The following SURF1 variants were observed in gnomAD, a reference collection of about 807,000 sequenced individuals.
The protein encoded by SURF1 is surfeit locus protein 1.
A neutral mutation model predicts 34.1 loss-of-function variants in SURF1; 45 were observed. The observed-to-expected ratio is 1.32, with a 90% CI of 1.04 to 1.69. The LOEUF (loss-of-function observed/expected upper bound fraction) is 1.69, where lower values mean the gene tolerates loss of function less well. Among genes scored for constraint, SURF1 ranks in the 40% most tolerant of loss-of-function variants. The pLI, the probability that SURF1 is intolerant of heterozygous loss-of-function variation, is 0.00. For synonymous variants in SURF1, 188 were observed against 147.5 expected (o/e 1.27, Z -1.99); for missense variants, 456 against 384.6 (o/e 1.19, Z -1.55).
At chr9:133,353,182 G>A (rs962579554) in intron 5 of SURF1, among the ~76,000 whole-genome samples, 2 of 152,226 alleles carry the variant, frequency 1.3e-5, no homozygotes, top group African/African-American at 4.8e-5. Context: ...GCCTGCTGGA[G>A]ATGAGTACTT....
chr9:133,351,859 A>G lies in SURF1; in HGVS notation c.*54T>C. On this transcript the variant is annotated 3_prime_UTR_variant, in exon 9 of 9. Coordinates refer to ENST00000371974, the MANE Select transcript of SURF1 (RefSeq NM_003172.4). ...ACCAGTAGCACATGATCCAGCATAA[A>G]GGCAGTCTTGAAATACTGCATTATC... 6.4e-7 allele frequency: 1 copy of G among 1,569,276 alleles called. No individual in the cohort carries two copies. Among genetic ancestry groups the G allele is most frequent in the South Asian group, 1.1e-5 (1 of 87,786 alleles).
In SURF1 at chr9:133,353,802, G is replaced by A. The variant is rs2130014646; in HGVS notation, c.462C>T (p.Ser154=). ...REAREGGLIS[S]STQSGAYVVT... The stretch of plus-strand genomic sequence containing the variant: ...CCACATAGGCCCCACTCTGAGTTGA[G>A]GAGGAGATGAGGCCGCCCTCCCGGG... The change falls in exon 5 of 9, where the codon TCC becomes TCT. Residue 154 remains serine (S), a synonymous_variant. Coordinates refer to ENST00000371974, the MANE Select transcript of SURF1 (RefSeq NM_003172.4). The A allele has an allele frequency of 1.2e-6, 2 of 1,613,734 alleles. No individual in the cohort carries two copies. Among genetic ancestry groups the A allele is most frequent in the East Asian group, 4.5e-5 (2 of 44,890 alleles).
chr9:133,353,116 G>A (rs1389853601), intron 5 of SURF1, among the ~76,000 whole-genome samples: 1 of 152,200 alleles, frequency 6.6e-6, no homozygotes, highest in Non-Finnish European at 1.5e-5. Context: ...GGCAAGAGCT[G>A]TCTCCAATCC....
At chr9:133,353,529 G>A (rs2130013461) in intron 5 of SURF1, among the ~76,000 whole-genome samples, 4 of 152,170 alleles carry the variant, frequency 2.6e-5, no homozygotes, top group African/African-American at 7.2e-5. Context: ...CCCTTCAGAG[G>A]TCAACATACA....
chr9:133,352,501 C>T lies in SURF1; in HGVS notation c.696G>A (p.Leu232=). The T allele has an allele frequency of 1.2e-6, 2 of 1,614,212 alleles. No homozygotes were observed. Among genetic ancestry groups the T allele is most frequent in the Admixed American group, 1.7e-5 (1 of 60,024 alleles). The part of the protein sequence containing the change: ...PERNHWHYRD[L]EAMARITGAE... The stretch of plus-strand genomic sequence containing the variant: ...CGCCTGTGATTCTGGCCATAGCTTC[C>T]AGGTCTCGATAATGCCAGTGGTTCC... Residue 232 remains leucine (L), a synonymous_variant, in exon 7 of 9, where the codon CTG becomes CTA. Coordinates refer to ENST00000371974, the MANE Select transcript of SURF1 (RefSeq NM_003172.4).
intron 4 of SURF1, among the ~76,000 whole-genome samples, 165 bp downstream of exon 4, chr9:133,354,494 G>A (rs1836515090): frequency 6.6e-6 from 1 of 152,110 alleles, no homozygotes; most frequent in Admixed American, 6.5e-5. Context: ...AGGGCAGTCA[G>A]GTGTCAACAG....
intron 7 of SURF1, 120 bp downstream of exon 7, chr9:133,352,326 C>T: frequency 6.5e-7 from 1 of 1,545,422 alleles, no homozygotes; most frequent in Non-Finnish European, 8.9e-7. Flanking sequence ...TGCCTCCTCC[C>T]ACCCGCCATA....
chr9:133,355,066 G>A, intron 2 of SURF1, 109 bp from the exon 3 acceptor site: 2 of 1,441,866 alleles, frequency 1.4e-6, no homozygotes, highest in South Asian at 1.1e-5. Context: ...CTGCTGCCTA[G>A]AGCCAACTAG....
chr9:133,353,764 T>C lies in SURF1; in HGVS notation c.500A>G (p.His167Arg), dbSNP rs2130014309. Residue 167 changes from histidine (H) to arginine (R), a missense_variant, in exon 5 of 9, where the codon CAC becomes CGC. His to Arg is a conservative substitution (Grantham distance 29). Coordinates refer to ENST00000371974, the MANE Select transcript of SURF1 (RefSeq NM_003172.4). ...TCCTACTCACCCCAGGTCGGTGCAG[T>C]GGAAGGGAGTGACCACATAGGCCCC... The part of the protein sequence containing the change: ...QSGAYVVTPF[H>R]CTDLGVTILV... 5.0e-6 allele frequency: 8 copies of C among 1,613,764 alleles called. No homozygotes were observed. The highest frequency in any genetic ancestry group is 3.3e-5 in the South Asian group (3 of 91,080).
At position 133,351,765 on chromosome 9, in the gene SURF1, T is replaced by C. The variant is rs2130001860; in HGVS notation, c.*148A>G. On this transcript the variant is annotated 3_prime_UTR_variant, in exon 9 of 9. Transcript: ENST00000371974. ...CAAGTTTTGGGAAAGTTCTTTGGAC[T>C]GAAACCAAGCCAGGATTTTATGATG... 385 of 956,296 alleles carry C rather than the reference T, an allele frequency of 4.0e-4. 3 individuals are homozygous for C. In the Middle Eastern group the frequency reaches 9.5e-3, roughly 23 times the overall value. 59.2% of individuals were successfully genotyped at this position (956,296 alleles called of 1,614,324 possible). A position where few individuals can be genotyped will look rare whatever the true frequency, so the allele number is the denominator to read the frequency against.
Position 133,353,868 on chromosome 9 carries a change from C to T in SURF1, c.396G>A (p.Leu132=). ...CCACCATGGTCCGGGGCATCATATA[C>T]AGCTCCTTGGAATGGTCAAAGCACC... ...VRGCFDHSKE[L]YMMPRTMVDP... is the part of the protein sequence containing the mutation. Residue 132 remains leucine (L), a synonymous_variant, in exon 5 of 9, where the codon CTG becomes CTA. Transcript: ENST00000371974. 2.5e-6 allele frequency: 4 copies of T among 1,613,920 alleles called. No homozygotes were observed. The highest frequency in any genetic ancestry group is 1.1e-5 in the South Asian group (1 of 91,086).
chr9:133,352,946 T>C (rs1836472213), intron 5 of SURF1, among the ~76,000 whole-genome samples, 180 bp from the exon 6 acceptor site: 1 of 152,196 alleles, frequency 6.6e-6, no homozygotes, highest in Non-Finnish European at 1.5e-5. Flanking sequence ...TGAGGCACCT[T>C]CGTGGTTGGT....
At chr9:133,354,772 T>C (rs2130018516) in intron 3 of SURF1, 31 bp from the exon 4 acceptor site, 1 of 1,613,648 alleles carries the variant, frequency 6.2e-7, no homozygotes, top group Admixed American at 1.7e-5. Context: ...GCCAAGCAGA[T>C]GGCAGCAAGG....
At position 133,351,912 on chromosome 9, in the gene SURF1, G is replaced by A. The variant is rs2130002481; in HGVS notation, c.*1C>T. ...GGGACAGGGCTTCAGCAGCTGATCT[G>A]TCACACACCAGGTGTCCCACGTAGG... On this transcript the variant is annotated 3_prime_UTR_variant, in exon 9 of 9. Coordinates refer to ENST00000371974, the MANE Select transcript of SURF1 (RefSeq NM_003172.4). 1 of 1,613,454 alleles carries A rather than the reference G, an allele frequency of 6.2e-7. No homozygotes were observed. Among genetic ancestry groups the A allele is most frequent in the East Asian group, 2.2e-5 (1 of 44,886 alleles).
chr9:133,355,933 T>C (rs2130023517), intron 2 of SURF1, among the ~76,000 whole-genome samples: 53 of 152,204 alleles, frequency 3.5e-4, no homozygotes, highest in Non-Finnish European at 7.1e-4. Context: ...GGTGGTTAGA[T>C]ACGCTTTACT....
chr9:133,356,366 G>GCCCCGCACCCCGCAACCCGCA, intron 1 of SURF1, 34 bp downstream of exon 1: 1 of 1,343,382 alleles, frequency 7.4e-7, no homozygotes, highest in Non-Finnish European at 9.6e-7. Context: ...CCCTCCCCGC[G>GCCCCGCACCCCGCAACCCGCA]CCCCGCACCC....
intron 4 of SURF1, chr9:133,354,358 T>C (rs2130016957): frequency 0.51 from 258,610 of 505,102 alleles, 67,840 homozygotes; most frequent in African/African-American, 0.58. Context: ...ACATTATCTG[T>C]CCTCAGCCAC....
Position 133,354,246 on chromosome 9 carries a change from A to G in SURF1, c.324-306T>C. 5.8e-6 allele frequency: 3 copies of G among 513,064 alleles called. No homozygotes were observed. In the South Asian group the frequency reaches 6.1e-5, roughly 10 times the overall value. The allele number at this position is 513,064 out of a possible 1,614,324, so 31.8% of individuals were successfully genotyped here. A position where few individuals can be genotyped will look rare whatever the true frequency, so the allele number is the denominator to read the frequency against. ...ATACTGTTTGCTACCCTGAATGGAA[A>G]ATGTGGCTGAATATACCTATCTCTG... On this transcript the variant is annotated intron_variant, in intron 4 of 8. Coordinates refer to ENST00000371974, the MANE Select transcript of SURF1 (RefSeq NM_003172.4).
chr9:133,352,504 G>A lies in SURF1; in HGVS notation c.693C>T (p.Asp231=), dbSNP rs2130007453. 1 of 1,614,224 alleles carries A rather than the reference G, an allele frequency of 6.2e-7. No homozygotes were observed. The highest frequency in any genetic ancestry group is 8.5e-7 in the Non-Finnish European group (1 of 1,180,040). ...CTGTGATTCTGGCCATAGCTTCCAG[G>A]TCTCGATAATGCCAGTGGTTCCTTT... is the stretch of plus-strand genomic sequence containing the variant. ...NPERNHWHYR[D]LEAMARITGA... Residue 231 remains aspartate (D), a synonymous_variant, in exon 7 of 9, where the codon GAC becomes GAT. Coordinates refer to ENST00000371974, the MANE Select transcript of SURF1 (RefSeq NM_003172.4).
Sources: allele counts gnomAD v4.1 joint callset (sites outside exome capture counted in the v4.1 genomes callset), GRCh38; gene constraint gnomAD v4.1.1; transcripts MANE v1.5; gene names NCBI Gene and HGNC (gene_info 2026-07-23, HGNC 2026-07-21).